The following SND1 variants were observed in gnomAD, a reference collection of about 807,000 sequenced individuals.
The protein encoded by SND1 is staphylococcal nuclease and tudor domain containing 1.
A neutral mutation model predicts 121.7 loss-of-function variants in SND1; 38 were observed. That is an observed-to-expected ratio of 0.31 (90% CI 0.24 to 0.41). The LOEUF (loss-of-function observed/expected upper bound fraction) is 0.41. Among genes scored for constraint, SND1 ranks in the 10% least tolerant of loss-of-function variants. The probability of loss-of-function intolerance (pLI) is 1.00; values close to 1 mark genes in which losing one functional copy is unlikely to be tolerated. For missense variants in SND1, 868 were observed against 1,184.6 expected (o/e 0.73, Z 3.92); for synonymous variants, 401 against 447.4 (o/e 0.90, Z 1.31).
intron 12 of SND1, among the ~76,000 whole-genome samples, chr7:127,866,619 G>T (rs1799483783): frequency 6.6e-6 from 1 of 152,040 alleles, no homozygotes; most frequent in Admixed American, 6.6e-5. Flanking sequence ...GTACCTGCAG[G>T]TTTTCCCCCT....
rs567498365 is a variant in SND1, at chr7:127,963,237, C to T, written c.1670-27710C>T. 1.1e-4 allele frequency among the ~76,000 whole-genome samples: 16 copies of T among 143,386 alleles called. 1 individual carries two copies. Among genetic ancestry groups the T allele is most frequent in the South Asian group, 7.1e-4 (3 of 4,250 alleles). 94.1% of individuals were successfully genotyped at this position (143,386 alleles called of 152,430 possible). ...TGAGTACCCAGAGATAAGACTAGAGCGGCATATTTCTTTTCTTTTTTTTTT... is the reference window on the plus strand; with the variant it reads ...TGAGTACCCAGAGATAAGACTAGAGTGGCATATTTCTTTTCTTTTTTTTTT... On this transcript the variant is annotated intron_variant, in intron 15 of 23. Coordinates refer to ENST00000354725, the MANE Select transcript of SND1 (RefSeq NM_014390.4).
rs542770054 is a variant in SND1 at position 128,029,626 on chromosome 7, A to G, written c.1779+38570A>G. The G allele has an allele frequency of 1.9e-6, 3 of 1,614,056 alleles. No individual in the cohort carries two copies. The highest frequency in any genetic ancestry group is 1.1e-5 in the South Asian group (1 of 91,078). On this transcript the variant is annotated intron_variant, in intron 16 of 23. Coordinates refer to ENST00000354725, the MANE Select transcript of SND1 (RefSeq NM_014390.4). The surrounding 1 kb of genome is among the most constrained non-coding windows in gnomAD (Gnocchi z 4.2). Reference sequence around the variant, plus strand: ...GAGGCCTGGTCCACCTCCACGAGGTAGCGGCCTCGCATGTGCATGGGAGCA... The same window carrying G: ...GAGGCCTGGTCCACCTCCACGAGGTGGCGGCCTCGCATGTGCATGGGAGCA...
intron 11 of SND1, among the ~76,000 whole-genome samples, chr7:127,825,113 T>C (rs931231092): frequency 2.6e-5 from 4 of 152,176 alleles, no homozygotes; most frequent in Non-Finnish European, 5.9e-5. Flanking sequence ...TTAAAACATA[T>C]ATTTTTTTTA....
chr7:127,756,144 A>G (rs936532233), intron 10 of SND1, among the ~76,000 whole-genome samples: 10 of 152,198 alleles, frequency 6.6e-5, no homozygotes, highest in African/African-American at 2.2e-4. Flanking sequence ...TTATAAACCA[A>G]TTACGCTAGA....
chr7:127,721,138 T>C, intron 9 of SND1, 149 bp from the exon 10 acceptor site: 1 of 478,520 alleles, frequency 2.1e-6, no homozygotes. Flanking sequence ...TAGTTTTCTC[T>C]GACATTGTTG....
intron 13 of SND1, 171 bp from the exon 14 acceptor site, chr7:127,904,576 C>G: frequency 2.2e-6 from 1 of 462,460 alleles, no homozygotes; most frequent in Non-Finnish European, 4.0e-6. Flanking sequence ...TATAATCCCC[C>G]CTCCACCAAA....
At chr7:128,043,863 TAC>T (rs10591985) in intron 16 of SND1, among the ~76,000 whole-genome samples, 65,674 of 149,462 alleles carry the variant, frequency 0.44, 15,391 homozygotes, top group East Asian at 0.65. Flanking sequence ...TATACACATA[TAC>T]ACACACACAC....
chr7:127,714,879 A>G (rs767168215), intron 9 of SND1, among the ~76,000 whole-genome samples: 32 of 152,220 alleles, frequency 2.1e-4, no homozygotes, highest in Non-Finnish European at 4.3e-4. Flanking sequence ...CATTTTGCTT[A>G]CAACCTGTTC....
At chr7:128,026,414 C>G (rs1443415545) in intron 16 of SND1, among the ~76,000 whole-genome samples, 1 of 152,184 alleles carries the variant, frequency 6.6e-6, no homozygotes, top group Non-Finnish European at 1.5e-5. Context: ...CTGCAAAGTG[C>G]TGCCTGCCTC....
At chr7:127,779,423 C>T (rs1797677983) in intron 10 of SND1, among the ~76,000 whole-genome samples, 1 of 152,226 alleles carries the variant, frequency 6.6e-6, no homozygotes, top group Non-Finnish European at 1.5e-5. Context: ...TCCTGAACTA[C>T]ACCTCTGATT....
intron 15 of SND1, among the ~76,000 whole-genome samples, chr7:127,977,268 AAG>A (rs566981308): frequency 8.7e-4 from 132 of 152,346 alleles, no homozygotes; most frequent in African/African-American, 3.1e-3. Context: ...AAGAAAGAAA[AAG>A]AGTAGAATGG....
intron 10 of SND1, among the ~76,000 whole-genome samples, chr7:127,756,376 A>T (rs1329967877): frequency 2.6e-5 from 4 of 152,236 alleles, no homozygotes; most frequent in Non-Finnish European, 5.9e-5. Context: ...ATCATCTAAG[A>T]TAAACTGGGG....
chr7:127,742,932 G>A (rs1187726763), intron 10 of SND1, among the ~76,000 whole-genome samples: 2 of 152,156 alleles, frequency 1.3e-5, no homozygotes, highest in African/African-American at 4.8e-5. Flanking sequence ...GATTCTAGTG[G>A]TGTTCCTGGT....
At chr7:127,718,837 T>C (rs1325351246) in intron 9 of SND1, 19 of 713,454 alleles carry the variant, frequency 2.7e-5, no homozygotes, top group Non-Finnish European at 3.3e-5. Flanking sequence ...TAGATATTTC[T>C]CGTGTCTTGA....
chr7:127,752,669 C>T (rs1797119196), intron 10 of SND1, among the ~76,000 whole-genome samples: 1 of 152,230 alleles, frequency 6.6e-6, no homozygotes, highest in Non-Finnish European at 1.5e-5. Context: ...AACTATTCAA[C>T]TCTGCCATTG....
chr7:127,947,524 G>A (rs956192429), intron 15 of SND1, among the ~76,000 whole-genome samples: 27 of 151,858 alleles, frequency 1.8e-4, no homozygotes, highest in African/African-American at 6.5e-4. Flanking sequence ...TTAGCTGAAT[G>A]CCAACCTGCT....
At chr7:128,009,351 G>C (rs1325574919) in intron 16 of SND1, among the ~76,000 whole-genome samples, 2 of 152,182 alleles carry the variant, frequency 1.3e-5, no homozygotes, top group Non-Finnish European at 2.9e-5. Flanking sequence ...AGGTTTGTTG[G>C]AGAGTGAATT....
chr7:127,925,259 A>G (rs768643888), intron 14 of SND1, among the ~76,000 whole-genome samples: 8 of 152,228 alleles, frequency 5.3e-5, no homozygotes, highest in Non-Finnish European at 7.3e-5. Context: ...GTGCAACAAC[A>G]ACAAAAAAAG....
intron 12 of SND1, among the ~76,000 whole-genome samples, chr7:127,881,496 T>A (rs1799789158): frequency 6.6e-6 from 1 of 152,144 alleles, no homozygotes; most frequent in Non-Finnish European, 1.5e-5. Context: ...TAGCTCTACT[T>A]ATGGGCACCA....
Sources: gnomAD v4.1 joint callset for allele counts (sites outside exome capture counted in the v4.1 genomes callset) on GRCh38, gnomAD v4.1.1 for gene constraint, Gnocchi (gnomAD v3.1) non-coding constraint, MANE v1.5 for transcripts, NCBI Gene and HGNC (gene_info 2026-07-23, HGNC 2026-07-21) for gene names.